MYOF: variants seen among roughly 807,000 people sequenced by gnomAD.
MYOF encodes the protein fer-1-like 3, myoferlin.
MYOF carries 244 observed loss-of-function variants against 284.2 expected under a neutral mutation model. The observed-to-expected ratio is 0.86, with a 90% confidence interval of 0.77 to 0.95. MYOF has a LOEUF of 0.95. MYOF is among the 40% of genes least tolerant of loss of function. The pLI is 0.00. For synonymous variants in MYOF, 904 were observed against 919.7 expected (o/e 0.98, Z 0.31); for missense variants, 2,496 against 2,560.6 (o/e 0.97, Z 0.54).
chr10:93,336,158 C>T, intron 40 of MYOF, 112 bp from the exon 41 acceptor site: 1 of 1,241,346 alleles, frequency 8.1e-7, no homozygotes, highest in Non-Finnish European at 1.1e-6. Flanking sequence ...GCGACCGGAA[C>T]TCCCAAATCG....
intron 4 of MYOF, 42 bp downstream of exon 4, chr10:93,431,366 C>A (rs776895518): frequency 6.4e-7 from 1 of 1,563,896 alleles, no homozygotes; most frequent in Non-Finnish European, 8.8e-7. Flanking sequence ...TTTGCTCAAT[C>A]ATCTCACTTC....
At chr10:93,318,083 CCCCACCATCAGCCCTGATG>C (rs1342515046) in intron 49 of MYOF, among the ~76,000 whole-genome samples, 1 of 152,110 alleles carries the variant, frequency 6.6e-6, no homozygotes, top group African/African-American at 2.4e-5. Context: ...AAGCCCTGAT[CCCCACCATCAGCCCTGATG>C]CCACACCATC....
chr10:93,387,906 C>T lies in MYOF; in HGVS notation c.1589G>A (p.Gly530Glu). The T allele has an allele frequency of 6.2e-7, 1 of 1,612,734 alleles. No homozygotes were observed. Among genetic ancestry groups the T allele is most frequent in the Non-Finnish European group, 8.5e-7 (1 of 1,178,852 alleles). ...CAAGATCCTGCCTCTGTAGGCAACT[C>T]CTTCCCCCTGAAAGGCAATAATCCA... ...YDELNTGKGE[G>E]VAYRGRILVE... is the part of the protein sequence containing the mutation. The change falls in exon 19 of 54, where the codon GGA becomes GAA. Residue 530 changes from glycine to glutamate, a missense_variant. Coordinates refer to ENST00000359263, the MANE Select transcript of MYOF (RefSeq NM_013451.4).
chr10:93,368,938 T>G (rs1302990133), intron 25 of MYOF, among the ~76,000 whole-genome samples: 1 of 152,168 alleles, frequency 6.6e-6, no homozygotes, highest in Non-Finnish European at 1.5e-5. Flanking sequence ...CAATAAGCAC[T>G]TGAGTTAAAA....
intron 17 of MYOF, among the ~76,000 whole-genome samples, chr10:93,390,971 C>T (rs1453343561): frequency 6.6e-6 from 1 of 152,156 alleles, no homozygotes; most frequent in African/African-American, 2.4e-5. Flanking sequence ...GCAGATTTAA[C>T]CCCAGATCTT....
intron 3 of MYOF, among the ~76,000 whole-genome samples, chr10:93,439,247 G>A (rs936226310): frequency 4.6e-5 from 7 of 152,304 alleles, no homozygotes; most frequent in African/African-American, 1.4e-4. Context: ...AAAGCCCTCC[G>A]GGTCAGTGAG....
At chr10:93,342,772 C>G (rs1372244651) in intron 38 of MYOF, among the ~76,000 whole-genome samples, 1 of 152,186 alleles carries the variant, frequency 6.6e-6, no homozygotes, top group African/African-American at 2.4e-5. Flanking sequence ...AGATCTTAAA[C>G]TGTCTTTTTC....
Position 93,320,727 on chromosome 10 carries a change from G to A in MYOF, c.5457-714C>T, listed in dbSNP as rs76009868. ...TGCCCAGAAAGAAGTTGTTGCTACT[G>A]GGAAGACTTCTAGTTTGAAACCAGG... On this transcript the variant is annotated intron_variant, in intron 48 of 53. Transcript: ENST00000359263. Among the ~76,000 whole-genome samples, 1,500 of 152,222 alleles carry A rather than the reference G, an allele frequency of 9.9e-3. 10 individuals are homozygous for A. Among genetic ancestry groups the A allele is most frequent in the South Asian group, 0.021 (101 of 4,816 alleles).
At chr10:93,469,453 T>C (rs1410664212) in intron 1 of MYOF, among the ~76,000 whole-genome samples, 3 of 151,466 alleles carry the variant, frequency 2.0e-5, no homozygotes, top group African/African-American at 7.3e-5. Flanking sequence ...ACACTGTCAG[T>C]ACCCTGCAAG....
chr10:93,322,003 A>G (rs1050790721), intron 48 of MYOF, among the ~76,000 whole-genome samples: 5 of 6,734 alleles, frequency 7.4e-4, no homozygotes, highest in Non-Finnish European at 1.8e-3. Context: ...CCTGATTTGA[A>G]AAAAAAAAAA....
intron 1 of MYOF, among the ~76,000 whole-genome samples, chr10:93,474,755 T>TC (rs1263814282): frequency 1.6e-4 from 25 of 151,874 alleles, no homozygotes; most frequent in Non-Finnish European, 2.8e-4. Flanking sequence ...CTGATTTTTT[T>TC]TTTTTTTTGA....
At chr10:93,450,559 G>A (rs774747212) in intron 3 of MYOF, among the ~76,000 whole-genome samples, 4 of 152,182 alleles carry the variant, frequency 2.6e-5, no homozygotes, top group Non-Finnish European at 4.4e-5. Flanking sequence ...GGGTGACAGA[G>A]TGAGACTCCA....
chr10:93,339,581 T>TGCCTCAGCCTCA (rs144914964), intron 39 of MYOF, among the ~76,000 whole-genome samples: 8 of 149,406 alleles, frequency 5.4e-5, no homozygotes, highest in East Asian at 2.0e-4. Flanking sequence ...GTGATTCTCG[T>TGCCTCAGCCTCA]GCCTCAGCCT....
chr10:93,349,891 C>T lies in MYOF; in HGVS notation c.4000G>A (p.Gly1334Arg). ...ITSPSLVVEC[G>R]GERVESVVIK... ...ACCACCGATTCCACCCTTTCTCCTC[C>T]ACACTCCACAACAAGACTGGGGGAT... The change falls in exon 36 of 54, where the codon GGA becomes AGA. Residue 1334 changes from glycine (G) to arginine (R), a missense_variant. Gly to Arg is a moderately radical substitution (Grantham distance 125). Around this residue, in one of 3 missense-constraint regions of MYOF, gnomAD observed 2,436 missense variants for 2,480.7 expected, o/e 0.98. Coordinates refer to ENST00000359263, the MANE Select transcript of MYOF (RefSeq NM_013451.4). 4 of 1,614,124 alleles carry T rather than the reference C, an allele frequency of 2.5e-6. No individual in the cohort carries two copies. Among genetic ancestry groups the T allele is most frequent in the Non-Finnish European group, 3.4e-6 (4 of 1,180,012 alleles).
In MYOF at chr10:93,325,314, C is replaced by T. The variant is rs550277963; in HGVS notation, c.5271+512G>A. On this transcript the variant is annotated intron_variant, in intron 46 of 53. Transcript: ENST00000359263. ...TGTCCCCCATTGCTATCCACATGGT[C>T]CTCGCCTCCCTGATACTGTAGTCTC... Among the ~76,000 whole-genome samples, 4 of 152,304 alleles carry T rather than the reference C, an allele frequency of 2.6e-5. No homozygotes were observed. The South Asian group carries it at 8.3e-4, about 32-fold the overall frequency.
At position 93,356,679 on chromosome 10, in the gene MYOF, G is replaced by C. The variant is rs375203628; in HGVS notation, c.3290C>G (p.Ala1097Gly). 11 of 1,612,266 alleles carry C rather than the reference G, an allele frequency of 6.8e-6. No individual in the cohort carries two copies. Among genetic ancestry groups the C allele is most frequent in the Non-Finnish European group, 9.3e-6 (11 of 1,179,422 alleles). ...GAAAIFKLEG[A>G]LGADTTEDGD... ...CTCTGGCAACCTAGTACTTACAAGG[G>C]CACCTTCAAGTTTAAAGATGGCAGC... Residue 1097 changes from alanine to glycine, a missense_variant, in exon 30 of 54, where the codon GCC becomes GGC. Physicochemically the swap from Ala to Gly is moderately conservative, Grantham distance 60 (BLOSUM62 0). This residue lies in a region of MYOF where 2,436 missense variants were observed against 2,480.7 expected (regional missense o/e 0.98). Transcript: ENST00000359263.
At chr10:93,434,320 TA>T (rs1849010035) in intron 3 of MYOF, among the ~76,000 whole-genome samples, 1 of 151,162 alleles carries the variant, frequency 6.6e-6, no homozygotes, top group Non-Finnish European at 1.5e-5. Context: ...TAATCCCAGC[TA>T]CTTGGGAGGC....
chr10:93,352,881 T>C (rs954751016), intron 32 of MYOF, among the ~76,000 whole-genome samples: 1 of 152,238 alleles, frequency 6.6e-6, no homozygotes, highest in Non-Finnish European at 1.5e-5. Flanking sequence ...TGGAGATGTA[T>C]ATTGCAGAGA....
At chr10:93,389,295 T>C in intron 17 of MYOF, 141 bp from the exon 18 acceptor site, 1 of 893,946 alleles carries the variant, frequency 1.1e-6, no homozygotes, top group Non-Finnish European at 1.6e-6. Context: ...GTAAGCACCA[T>C]GAGGTTTGCC....
Sources: allele counts gnomAD v4.1 joint callset (sites outside exome capture counted in the v4.1 genomes callset), GRCh38; gene constraint gnomAD v4.1.1; regional missense constraint gnomAD v4.1.1; transcripts MANE v1.5; gene names NCBI Gene and HGNC (gene_info 2026-07-23, HGNC 2026-07-21).